The following DDX31 variants were observed in gnomAD, a reference collection of about 807,000 sequenced individuals.
DDX31 encodes the protein DEAD-box helicase 31.
A neutral mutation model predicts 91.3 loss-of-function variants in DDX31; 70 were observed. The ratio of observed to expected loss-of-function variants is 0.77; its 90% CI spans 0.63 to 0.94. DDX31 has a LOEUF of 0.94. DDX31 is among the 40% of genes least tolerant of loss of function. The pLI is 0.00. For missense variants in DDX31, 902 were observed against 925.0 expected, an observed-to-expected ratio of 0.98 and a Z score of 0.32; for synonymous variants, 362 against 350.6, an observed-to-expected ratio of 1.03 and a Z score of -0.36.
intron 14 of DDX31, chr9:132,638,115 A>G: frequency 7.3e-7 from 1 of 1,376,318 alleles, no homozygotes; most frequent in Non-Finnish European, 9.4e-7. Flanking sequence ...GGAGGATGCC[A>G]AGGGACAGTT....
chr9:132,639,079 G>A (rs368253004), intron 14 of DDX31, among the ~76,000 whole-genome samples: 332 of 152,168 alleles, frequency 2.2e-3, no homozygotes, highest in African/African-American at 7.3e-3. Context: ...GAGAGTGTTC[G>A]GATAGCCTGG....
rs1830382862 is a variant in DDX31, at chr9:132,595,229, A to G, written c.1995-117T>C. ...GTGAAGCTGACATTTTTGTATTAACAGAAGTACAATCCCTTCAATAGTACT... is the reference window on the plus strand; with the variant it reads ...GTGAAGCTGACATTTTTGTATTAACGGAAGTACAATCCCTTCAATAGTACT... On this transcript the variant is annotated intron_variant, in intron 19 of 19. Transcript: ENST00000372159. The surrounding 1 kb of genome is among the most constrained non-coding windows in gnomAD (Gnocchi z 4.6). The G allele has an allele frequency of 8.0e-7, 1 of 1,255,542 alleles. No homozygotes were observed. Among genetic ancestry groups the G allele is most frequent in the African/African-American group, 1.5e-5 (1 of 66,128 alleles). 77.8% of individuals were successfully genotyped at this position (1,255,542 alleles called of 1,614,324 possible).
chr9:132,654,575 C>T (rs912466361), intron 6 of DDX31, among the ~76,000 whole-genome samples: 3 of 151,192 alleles, frequency 2.0e-5, no homozygotes, highest in Non-Finnish European at 3.0e-5. Flanking sequence ...ATCGTGCCAT[C>T]GCACTCCAGC....
At chr9:132,655,735 ACATT>A (rs566172639) in intron 6 of DDX31, among the ~76,000 whole-genome samples, 1 of 152,264 alleles carries the variant, frequency 6.6e-6, no homozygotes, top group Admixed American at 6.5e-5. Context: ...GGTGCCTTGC[ACATT>A]CAAAGTGCTC....
chr9:132,598,798 G>C (rs1302104786), intron 19 of DDX31, among the ~76,000 whole-genome samples: 1 of 152,192 alleles, frequency 6.6e-6, no homozygotes, highest in East Asian at 1.9e-4. Flanking sequence ...TCATGTTTGG[G>C]AAAGTCTTCA....
At position 132,667,592 on chromosome 9, in the gene DDX31, G is replaced by T. The variant is rs181440875; in HGVS notation, c.75+2268C>A. On this transcript the variant is annotated intron_variant, in intron 1 of 19. Coordinates refer to ENST00000372159, the MANE Select transcript of DDX31 (RefSeq NM_022779.9). ...CACTCCAGCCTGGGAGACAGAGCGA[G>T]ACTCCATCTCAAAAAAACAAAACAA... Among the ~76,000 whole-genome samples the T allele has an allele frequency of 2.9e-3, 416 of 145,230 alleles. 2 individuals are homozygous for T. The highest frequency in any genetic ancestry group is 4.6e-3 in the Non-Finnish European group (307 of 67,428).
chr9:132,659,116 A>C (rs1834770967), intron 5 of DDX31, among the ~76,000 whole-genome samples: 1 of 152,182 alleles, frequency 6.6e-6, no homozygotes, highest in Non-Finnish European at 1.5e-5. Flanking sequence ...ACATCTCTGC[A>C]GTGCTGATGT....
intron 19 of DDX31, among the ~76,000 whole-genome samples, chr9:132,599,893 C>T (rs1288628300): frequency 2.6e-5 from 4 of 152,368 alleles, no homozygotes; most frequent in African/African-American, 9.6e-5. Context: ...TCTCAGTGAA[C>T]GCAGGAGACC....
intron 18 of DDX31, among the ~76,000 whole-genome samples, chr9:132,613,363 AAACACTACGTC>A (rs1831455166): frequency 2.0e-5 from 3 of 152,370 alleles, no homozygotes; most frequent in African/African-American, 7.2e-5. Context: ...GACATTCATC[AAACACTACGTC>A]AGGAAAGTTT....
intron 11 of DDX31, among the ~76,000 whole-genome samples, chr9:132,647,528 A>C (rs959659385): frequency 1.3e-5 from 2 of 152,156 alleles, no homozygotes; most frequent in Non-Finnish European, 2.9e-5. Flanking sequence ...ATCCCTCAAA[A>C]ATTAGAACAT....
chr9:132,596,481 C>G (rs1830439699), intron 19 of DDX31, among the ~76,000 whole-genome samples: 3 of 152,176 alleles, frequency 2.0e-5, no homozygotes, highest in Admixed American at 2.0e-4. Context: ...ATGGGGTGAG[C>G]ACATCAGGGC....
At position 132,646,000 on chromosome 9, in the gene DDX31, G is replaced by T; in HGVS notation, c.1275C>A (p.Phe425Leu). ...CELVEFHYSL[F>L]LQTLLSSSGA... ...CTGAGCTGCTCAGCAGGGTCTGTAGGAAGAGGCTGTAGTGGAACTCCACCA... is the reference window on the plus strand; with the variant it reads ...CTGAGCTGCTCAGCAGGGTCTGTAGTAAGAGGCTGTAGTGGAACTCCACCA... The change falls in exon 13 of 20, where the codon TTC becomes TTA. Residue 425 changes from phenylalanine to leucine, a missense_variant. Phe to Leu is a conservative substitution (Grantham distance 22). Coordinates refer to ENST00000372159, the MANE Select transcript of DDX31 (RefSeq NM_022779.9). The T allele has an allele frequency of 6.2e-7, 1 of 1,614,126 alleles. No homozygotes were observed. Among genetic ancestry groups the T allele is most frequent in the Non-Finnish European group, 8.5e-7 (1 of 1,180,020 alleles).
At chr9:132,620,908 A>G (rs1418310064) in intron 17 of DDX31, among the ~76,000 whole-genome samples, 3 of 152,222 alleles carry the variant, frequency 2.0e-5, no homozygotes, top group Non-Finnish European at 4.4e-5. Flanking sequence ...GGTAGTTTAG[A>G]AAAACACATT....
At chr9:132,628,446 C>T (rs1832528361) in intron 16 of DDX31, among the ~76,000 whole-genome samples, 3 of 152,244 alleles carry the variant, frequency 2.0e-5, no homozygotes, top group Admixed American at 1.3e-4. Flanking sequence ...ATCATCACAG[C>T]AGATGATGGT....
chr9:132,604,753 G>A (rs1319472554), intron 19 of DDX31, among the ~76,000 whole-genome samples: 2 of 152,148 alleles, frequency 1.3e-5, no homozygotes. Context: ...TGCCACATCT[G>A]TCCTCGTGGC....
chr9:132,652,560 A>G (rs1179934088), intron 6 of DDX31, 68 bp from the exon 7 acceptor site: 2 of 1,591,884 alleles, frequency 1.3e-6, no homozygotes, highest in African/African-American at 2.7e-5. Context: ...CGGACAGGAC[A>G]CAGGGGTGGC....
At chr9:132,612,446 G>T in intron 18 of DDX31, 191 bp from the exon 19 acceptor site, 44 of 484,494 alleles carry the variant, frequency 9.1e-5, no homozygotes, top group Middle Eastern at 6.9e-4. Context: ...ACAACAAAAA[G>T]AAAAAAACTA....
intron 11 of DDX31, among the ~76,000 whole-genome samples, chr9:132,647,675 G>A (rs2130774424): frequency 6.6e-6 from 1 of 152,272 alleles, no homozygotes; most frequent in South Asian, 2.1e-4. Context: ...GGTGGATCTG[G>A]TAGAGTGATA....
At chr9:132,658,861 T>G in intron 5 of DDX31, 126 bp from the exon 6 acceptor site, 1 of 786,326 alleles carries the variant, frequency 1.3e-6, no homozygotes, top group Non-Finnish European at 2.0e-6. Flanking sequence ...AAAGGGAAAC[T>G]GCCCATTATA....
Sources: gnomAD v4.1 joint callset for allele counts (sites outside exome capture counted in the v4.1 genomes callset) on GRCh38, gnomAD v4.1.1 for gene constraint, Gnocchi (gnomAD v3.1) non-coding constraint, MANE v1.5 for transcripts, NCBI Gene and HGNC (gene_info 2026-07-23, HGNC 2026-07-21) for gene names.